LRRC55: variants seen among roughly 807,000 people sequenced by gnomAD.
LRRC55 encodes the protein leucine rich repeat containing 55.
Under a neutral mutation model 20.5 loss-of-function variants are expected in LRRC55, and 11 were observed. The ratio of observed to expected loss-of-function variants is 0.54; its 90% confidence interval spans 0.34 to 0.89. LRRC55 has a LOEUF of 0.89. Among genes scored for constraint, LRRC55 ranks in the 40% least tolerant of loss-of-function variants. The pLI, the probability that LRRC55 is intolerant of heterozygous loss-of-function variation, is 0.02. For missense variants in LRRC55, 358 were observed against 390.9 expected (o/e 0.92, Z 0.71); for synonymous variants, 188 against 166.6 (o/e 1.13, Z -0.99).
chr11:57,182,041 C>G lies in LRRC55; in HGVS notation c.19C>G (p.Gln7Glu). Residue 7 changes from glutamine (Q) to glutamate (E), a missense_variant, in exon 1 of 2, where the codon CAG becomes GAG. Gln to Glu is a conservative substitution (Grantham distance 29). Around this residue, in one of 3 missense-constraint regions of LRRC55, gnomAD observed 175 missense variants for 164.5 expected, o/e 1.06. Transcript: ENST00000497933. The stretch of plus-strand genomic sequence containing the variant: ...GCCTAAGATGGGTGACACTTGGGCC[C>G]AGCTTCCCTGGCCCGGGCCACCCCA... MGDTWA[Q>E]LPWPGPPHPA... 1.9e-6 allele frequency: 3 copies of G among 1,614,196 alleles called. No homozygotes were observed. In the South Asian group the frequency reaches 3.3e-5, roughly 18 times the overall value.
rs1315183142 is a variant in LRRC55, at chr11:57,188,344, T to C, written c.*864T>C. On this transcript the variant is annotated 3_prime_UTR_variant, in exon 2 of 2. Transcript: ENST00000497933. ...CATGTGACTGTTCTTGCCACAGTGC[T>C]CATGCCACAGGGTCTCACCAGGAAA... is the stretch of plus-strand genomic sequence containing the variant. The C allele has an allele frequency of 6.6e-6, 1 of 152,660 alleles. No individual in the cohort carries two copies. The highest frequency in any genetic ancestry group is 2.4e-5 in the African/African-American group (1 of 41,448). The allele number at this position is 152,660 out of a possible 1,614,324, so 9.5% of individuals were successfully genotyped here.
At chr11:57,185,390 C>T (rs1854419278) in intron 1 of LRRC55, among the ~76,000 whole-genome samples, 1 of 148,782 alleles carries the variant, frequency 6.7e-6, no homozygotes, top group African/African-American at 2.5e-5. Flanking sequence ...AAGCAATTCT[C>T]CTGCCTCAGC....
chr11:57,187,429 T>C lies in LRRC55; in HGVS notation c.846T>C (p.Thr282=), dbSNP rs200234996. 1 of 1,614,224 alleles carries C rather than the reference T, an allele frequency of 6.2e-7. No individual in the cohort carries two copies. The highest frequency in any genetic ancestry group is 1.3e-5 in the African/African-American group (1 of 75,068). Residue 282 remains threonine (T), a synonymous_variant, in exon 2 of 2, where the codon ACT becomes ACC. Transcript: ENST00000497933. ...SVATNFLLGI[T]ANCCHRWSKA... ...CCACCAACTTCCTCCTGGGCATCAC[T>C]GCCAACTGCTGCCACCGCTGGAGCA... is the stretch of plus-strand genomic sequence containing the variant.
In LRRC55 at chr11:57,191,264, A is replaced by C. The variant is rs1368012571; in HGVS notation, c.*3784A>C. ...GTATGAAATTTGAACAGATCAAGAC[A>C]GGTGTTTGTCTTCAACCATGGGGGA... On this transcript the variant is annotated 3_prime_UTR_variant, in exon 2 of 2. Transcript: ENST00000497933. 2 of 152,186 alleles carry C rather than the reference A, an allele frequency of 1.3e-5. No individual in the cohort carries two copies. The highest frequency in any genetic ancestry group is 4.8e-5 in the African/African-American group (2 of 41,426). The allele number at this position is 152,186 out of a possible 1,614,324, so 9.4% of individuals were successfully genotyped here. A position where few individuals can be genotyped will look rare whatever the true frequency, so the allele number is the denominator to read the frequency against.
chr11:57,182,787 TGCA>T, intron 1 of LRRC55, 104 bp downstream of exon 1: 2 of 1,254,152 alleles, frequency 1.6e-6, no homozygotes, highest in South Asian at 4.6e-5. Context: ...AAGCACCTAC[TGCA>T]TTTTCTAATG....
In LRRC55 at chr11:57,190,091, A is replaced by G; in HGVS notation, c.*2611A>G. The G allele has an allele frequency of 6.6e-6, 1 of 152,242 alleles. No homozygotes were observed. The highest frequency in any genetic ancestry group is 6.5e-5 in the Admixed American group (1 of 15,280). The allele number at this position is 152,242 out of a possible 1,614,324, so 9.4% of individuals were successfully genotyped here. A position where few individuals can be genotyped will look rare whatever the true frequency, so the allele number is the denominator to read the frequency against. ...AATACTTGGAGAGGAACTTTTAGAA[A>G]CTATAATCCTGACAAAATAGAAAAG... On this transcript the variant is annotated 3_prime_UTR_variant, in exon 2 of 2. Transcript: ENST00000497933.
Position 57,188,062 on chromosome 11 carries a change from C to T in LRRC55, c.*582C>T, listed in dbSNP as rs1419656277. On this transcript the variant is annotated 3_prime_UTR_variant, in exon 2 of 2. Transcript: ENST00000497933. Reference sequence around the variant, plus strand: ...TGTCAGCTCTCAGCAATGCCAGCCACTGCCTACAGGGAGTAAGAACACCTC... The same window carrying T: ...TGTCAGCTCTCAGCAATGCCAGCCATTGCCTACAGGGAGTAAGAACACCTC... 1 of 158,580 alleles carries T rather than the reference C, an allele frequency of 6.3e-6. No individual in the cohort carries two copies. The highest frequency in any genetic ancestry group is 1.9e-4 in the East Asian group (1 of 5,226). 9.8% of individuals were successfully genotyped at this position (158,580 alleles called of 1,614,324 possible).
At chr11:57,183,226 GA>G (rs769509121) in intron 1 of LRRC55, among the ~76,000 whole-genome samples, 1 of 152,148 alleles carries the variant, frequency 6.6e-6, no homozygotes, top group Non-Finnish European at 1.5e-5. Flanking sequence ...TAATCTACCA[GA>G]ATGCTTTTTT....
chr11:57,191,128 A>G lies in LRRC55; in HGVS notation c.*3648A>G, dbSNP rs1251851081. 5 of 152,202 alleles carry G rather than the reference A, an allele frequency of 3.3e-5. No individual in the cohort carries two copies. Among genetic ancestry groups the G allele is most frequent in the African/African-American group, 4.8e-5 (2 of 41,436 alleles). 9.4% of individuals were successfully genotyped at this position (152,202 alleles called of 1,614,324 possible). ...GCCAGTTATCTCTGGTCACCCTCAG[A>G]CAAACCCTCGTCTCTTTTTCTCCCT... On this transcript the variant is annotated 3_prime_UTR_variant, in exon 2 of 2. Transcript: ENST00000497933.
At chr11:57,184,422 T>C (rs996967748) in intron 1 of LRRC55, among the ~76,000 whole-genome samples, 1 of 152,040 alleles carries the variant, frequency 6.6e-6, no homozygotes, top group African/African-American at 2.4e-5. Context: ...TCAGTACAGG[T>C]GAGGAACCTG....
At position 57,188,360 on chromosome 11, in the gene LRRC55, C is replaced by T. The variant is rs112815158; in HGVS notation, c.*880C>T. On this transcript the variant is annotated 3_prime_UTR_variant, in exon 2 of 2. Coordinates refer to ENST00000497933, the MANE Select transcript of LRRC55 (RefSeq NM_001005210.4). Reference sequence around the variant, plus strand: ...CCACAGTGCTCATGCCACAGGGTCTCACCAGGAAAGTGCACTGTGGGCCAC... The same window carrying T: ...CCACAGTGCTCATGCCACAGGGTCTTACCAGGAAAGTGCACTGTGGGCCAC... The T allele has an allele frequency of 2.0e-5, 3 of 152,724 alleles. No individual in the cohort carries two copies. The highest frequency in any genetic ancestry group is 4.8e-5 in the African/African-American group (2 of 41,454). 9.5% of individuals were successfully genotyped at this position (152,724 alleles called of 1,614,324 possible). A position where few individuals can be genotyped will look rare whatever the true frequency, so the allele number is the denominator to read the frequency against.
Position 57,190,546 on chromosome 11 carries a change from C to T in LRRC55, c.*3066C>T, listed in dbSNP as rs145625803. ...TGACCACAGGCTTCATTCAAATTGT[C>T]CAAACTGGTTAACATGTATGTGATG... On this transcript the variant is annotated 3_prime_UTR_variant, in exon 2 of 2. Coordinates refer to ENST00000497933, the MANE Select transcript of LRRC55 (RefSeq NM_001005210.4). 492 of 152,318 alleles carry T rather than the reference C, an allele frequency of 3.2e-3. 4 individuals are homozygous for T. Among genetic ancestry groups the T allele is most frequent in the Middle Eastern group, 0.031 (9 of 294 alleles). The allele number at this position is 152,318 out of a possible 1,614,324, so 9.4% of individuals were successfully genotyped here. A position where few individuals can be genotyped will look rare whatever the true frequency, so the allele number is the denominator to read the frequency against.
chr11:57,184,495 G>A (rs1330500874), intron 1 of LRRC55, among the ~76,000 whole-genome samples: 1 of 152,354 alleles, frequency 6.6e-6, no homozygotes, highest in East Asian at 1.9e-4. Flanking sequence ...AGTCCCAGCT[G>A]GAAAGCCAGG....
rs933090902 is a variant in LRRC55 at position 57,182,380 on chromosome 11, C to A, written c.358C>A (p.Leu120Met). ...TGCCAAGCGCTTGGCACACTTGGAC[C>A]TGAGCTACAACAATTTCAGCCATGT... ...LHAKRLAHLD[L>M]SYNNFSHVPA... Residue 120 changes from leucine (L) to methionine (M), a missense_variant, in exon 1 of 2, where the codon CTG becomes ATG. By Grantham distance (15) the Leu-to-Met change is conservative (BLOSUM62 2). Coordinates refer to ENST00000497933, the MANE Select transcript of LRRC55 (RefSeq NM_001005210.4). 8.1e-6 allele frequency: 13 copies of A among 1,613,722 alleles called. No individual in the cohort carries two copies. Among genetic ancestry groups the A allele is most frequent in the South Asian group, 1.1e-5 (1 of 91,066 alleles).
chr11:57,184,272 C>A (rs1424393572), intron 1 of LRRC55, among the ~76,000 whole-genome samples: 1 of 152,172 alleles, frequency 6.6e-6, no homozygotes, highest in East Asian at 1.9e-4. Flanking sequence ...ACAGAAAGGG[C>A]ACCCAAAGCA....
chr11:57,189,041 C>T lies in LRRC55; in HGVS notation c.*1561C>T, dbSNP rs1363792297. ...ACGAGCAAAGCACAATTATCATCAT[C>T]GTGGTCTTCTTCATCAGTTTCGTCA... is the stretch of plus-strand genomic sequence containing the variant. On this transcript the variant is annotated 3_prime_UTR_variant, in exon 2 of 2. Transcript: ENST00000497933. 1 of 152,136 alleles carries T rather than the reference C, an allele frequency of 6.6e-6. No individual in the cohort carries two copies. Among genetic ancestry groups the T allele is most frequent in the African/African-American group, 2.4e-5 (1 of 41,432 alleles). 9.4% of individuals were successfully genotyped at this position (152,136 alleles called of 1,614,324 possible).
At chr11:57,185,227 C>T (rs1457923487) in intron 1 of LRRC55, among the ~76,000 whole-genome samples, 2 of 150,662 alleles carry the variant, frequency 1.3e-5, no homozygotes, top group Non-Finnish European at 2.9e-5. Context: ...TACTGACTCT[C>T]AGAAAATTTA....
At chr11:57,186,794 G>A (rs1272444541) in intron 1 of LRRC55, among the ~76,000 whole-genome samples, 1 of 152,188 alleles carries the variant, frequency 6.6e-6, no homozygotes, top group Non-Finnish European at 1.5e-5. Flanking sequence ...TTCAAAGACA[G>A]GAATCCAGGG....
At chr11:57,186,865 T>A (rs1395062138) in intron 1 of LRRC55, among the ~76,000 whole-genome samples, 1 of 152,174 alleles carries the variant, frequency 6.6e-6, no homozygotes, top group Admixed American at 6.5e-5. Context: ...CTCAGCTGAC[T>A]GTATTAAAAT....
Sources: allele counts gnomAD v4.1 joint callset (sites outside exome capture counted in the v4.1 genomes callset), GRCh38; gene constraint gnomAD v4.1.1; regional missense constraint gnomAD v4.1.1; transcripts MANE v1.5; gene names NCBI Gene and HGNC (gene_info 2026-07-23, HGNC 2026-07-21).